TRO: variants seen among roughly 807,000 people sequenced by gnomAD.
TRO encodes MAGE superfamily protein.
TRO carries 29 observed loss-of-function variants against 42.3 expected under a neutral mutation model. The ratio of observed to expected loss-of-function variants is 0.68; its 90% CI spans 0.51 to 0.93. The LOEUF (loss-of-function observed/expected upper bound fraction) is 0.93. Ranked by LOEUF, TRO falls within the 40% of genes least tolerant of loss-of-function variation. The pLI, the probability that TRO is intolerant of heterozygous loss-of-function variation, is 0.00. For synonymous variants in TRO, 384 were observed against 425.2 expected, an observed-to-expected ratio of 0.90 and a Z score of 1.19; for missense variants, 963 against 1,127.7, an observed-to-expected ratio of 0.85 and a Z score of 2.09.
rs1441696931 is a variant in TRO, at chrX:54,923,526, G to A, written c.994G>A (p.Ala332Thr). 1 of 1,187,584 alleles carries A rather than the reference G, an allele frequency of 8.4e-7. No individual in the cohort carries two copies. The highest frequency in any genetic ancestry group is 3.1e-5 in the East Asian group (1 of 32,743). Residue 332 changes from alanine to threonine, a missense_variant, in exon 3 of 13, where the codon GCA becomes ACA. Ala to Thr is a moderately conservative substitution (Grantham distance 58, BLOSUM62 0). This residue lies in a region of TRO where 322 missense variants were observed against 316.5 expected (regional missense o/e 1.02). Coordinates refer to ENST00000173898, the MANE Select transcript of TRO (RefSeq NM_001039705.3). Reference sequence around the variant, plus strand: ...TCAGATAGTCACAAACCAAGCCCTGGCAGCCACCCTGCGGGTCAAGAGAGG... The same window carrying A: ...TCAGATAGTCACAAACCAAGCCCTGACAGCCACCCTGCGGGTCAAGAGAGG... Reference protein sequence around the residue: ...ATQIVTNQALAATLRVKRGSR... With the variant: ...ATQIVTNQALTATLRVKRGSR...
intron 10 of TRO, chrX:54,927,428 A>G (rs1932804333): frequency 6.5e-6 from 3 of 461,137 alleles, no homozygotes; most frequent in Non-Finnish European, 1.1e-5. Context: ...ATCATGCCCT[A>G]TACATGTCTC....
At position 54,929,065 on chromosome X, in the gene TRO, C is replaced by G. The variant is rs761198045; in HGVS notation, c.2341C>G (p.Leu781Val). Residue 781 changes from leucine (L) to valine (V), a missense_variant, in exon 12 of 13, where the codon CTG becomes GTG. Leu to Val is a conservative substitution (Grantham distance 32). This residue lies in a region of TRO where 641 missense variants were observed against 811.3 expected (regional missense o/e 0.79). Transcript: ENST00000173898. ...AGCCAGCATTAGCTTTGGTGGTACA[C>G]TGAGCACTAGCTCCAGCTTCAGCAG... ...NTASISFGGT[L>V]STSSSFSSAA... 3 of 1,212,484 alleles carry G rather than the reference C, an allele frequency of 2.5e-6. No individual in the cohort carries two copies. The South Asian group carries it at 5.3e-5, about 21-fold the overall frequency.
Position 54,931,423 on chromosome X carries a change from C to T in TRO, c.*231C>T, listed in dbSNP as rs1933178766. ...TGGTATCAGAGTTACATTAAATTTGCAAAATGAATTGGAGTTTTTTCTGTC... is the reference window on the plus strand; with the variant it reads ...TGGTATCAGAGTTACATTAAATTTGTAAAATGAATTGGAGTTTTTTCTGTC... On this transcript the variant is annotated 3_prime_UTR_variant, in exon 13 of 13. Transcript: ENST00000173898. The T allele has an allele frequency of 1.9e-6, 2 of 1,036,530 alleles. No homozygotes were observed. Among genetic ancestry groups the T allele is most frequent in the Non-Finnish European group, 2.7e-6 (2 of 749,204 alleles). 85.4% of individuals were successfully genotyped at this position (1,036,530 alleles called of 1,213,427 possible).
At chrX:54,927,378 A>C in intron 10 of TRO, 1 of 494,436 alleles carries the variant, frequency 2.0e-6, no homozygotes, top group Admixed American at 2.9e-5. Flanking sequence ...ATCTGGGCTT[A>C]CTCCTCACAG....
chrX:54,931,183 TC>T lies in TRO; in HGVS notation c.*12-19del. 8.3e-7 allele frequency: 1 copy of T among 1,209,826 alleles called. No individual in the cohort carries two copies. The highest frequency in any genetic ancestry group is 1.8e-5 in the South Asian group (1 of 56,765). ...CAGTGTATTTGGTGCTAAAATGTGT[TC>T]CTATTTGTTTTGTTTTCAGATTTAT... On this transcript the variant is annotated intron_variant, in intron 12 of 12. Coordinates refer to ENST00000173898, the MANE Select transcript of TRO (RefSeq NM_001039705.3).
At chrX:54,926,678 A>G (rs1477689912) in intron 9 of TRO, 53 bp downstream of exon 9, 45 of 1,206,011 alleles carry the variant, frequency 3.7e-5, no homozygotes, top group Non-Finnish European at 1.1e-6. Context: ...TTGGCAAGAG[A>G]GGATGGTCCT....
In TRO at chrX:54,923,858, C is replaced by T. The variant is rs1932435986; in HGVS notation, c.1236+90C>T. 5 of 938,488 alleles carry T rather than the reference C, an allele frequency of 5.3e-6. No homozygotes were observed. In the South Asian group the frequency reaches 1.3e-4, roughly 24 times the overall value. The allele number at this position is 938,488 out of a possible 1,213,427, so 77.3% of individuals were successfully genotyped here. On this transcript the variant is annotated intron_variant, in intron 3 of 12. Transcript: ENST00000173898. ...GTTCATTTCTTCTATAAAAGTTTTA[C>T]TTTGAGCTAGTCCCTGTGTTCAGAT...
Position 54,930,167 on chromosome X carries a change from G to A in TRO, c.3443G>A (p.Cys1148Tyr). The A allele has an allele frequency of 8.2e-7, 1 of 1,212,220 alleles. No individual in the cohort carries two copies. Residue 1148 changes from cysteine to tyrosine, a missense_variant, in exon 12 of 13, where the codon TGT (cysteine) becomes TAT (tyrosine). By Grantham distance (194) the Cys-to-Tyr change is radical. This residue lies in a region of TRO where 641 missense variants were observed against 811.3 expected (regional missense o/e 0.79). Coordinates refer to ENST00000173898, the MANE Select transcript of TRO (RefSeq NM_001039705.3). ...GGTGGTGCTCATGGCACCAGCCTCT[G>A]TTTTGGTGGAGCTCCCAGCACCAGC... Reference protein sequence around the residue: ...SFGGAHGTSLCFGGAPSTSLC... With the variant: ...SFGGAHGTSLYFGGAPSTSLC...
chrX:54,930,592 G>A lies in TRO; in HGVS notation c.3868G>A (p.Gly1290Ser). Residue 1290 changes from glycine (G) to serine (S), a missense_variant, in exon 12 of 13, where the codon GGT becomes AGT. Coordinates refer to ENST00000173898, the MANE Select transcript of TRO (RefSeq NM_001039705.3). ...GGGLVTSDGF[G>S]GGLGTNASFG... ...TGGACTGGTCACTAGTGATGGCTTT[G>A]GTGGTGGACTGGGCACCAATGCTAG... is the stretch of plus-strand genomic sequence containing the variant. 1 of 1,211,621 alleles carries A rather than the reference G, an allele frequency of 8.3e-7. No individual in the cohort carries two copies. Among genetic ancestry groups the A allele is most frequent in the African/African-American group, 1.7e-5 (1 of 57,861 alleles).
rs750605859 is a variant in TRO, at chrX:54,929,092, G to A, written c.2368G>A (p.Ala790Thr). ...GAGCACTAGCTCCAGCTTCAGCAGCGCAGCCAGCATTAGCTTTGGTTGTGC... is the reference window on the plus strand; with the variant it reads ...GAGCACTAGCTCCAGCTTCAGCAGCACAGCCAGCATTAGCTTTGGTTGTGC... ...TLSTSSSFSS[A>T]ASISFGCAHS... The change falls in exon 12 of 13, where the codon GCA becomes ACA. Residue 790 changes from alanine (A) to threonine (T), a missense_variant. Ala to Thr is a moderately conservative substitution (Grantham distance 58). Transcript: ENST00000173898. 1.9e-5 allele frequency: 23 copies of A among 1,211,353 alleles called. No homozygotes were observed. The highest frequency in any genetic ancestry group is 6.5e-5 in the Admixed American group (3 of 45,978).
intron 2 of TRO, 134 bp from the exon 3 acceptor site, chrX:54,922,444 C>T: frequency 7.8e-6 from 7 of 902,502 alleles, no homozygotes; most frequent in Non-Finnish European, 1.1e-5. Flanking sequence ...GGAAAACCTG[C>T]CTGACTCTAT....
In TRO at chrX:54,922,562, A is replaced by G. The variant is rs554362363; in HGVS notation, c.46-16A>G. On this transcript the variant is annotated splice_polypyrimidine_tract_variant and intron_variant, in intron 2 of 12. Transcript: ENST00000173898. ...GAGGCCAAATGGCCCAGAGGATGGT[A>G]ATCCTAAGTGTGTAGGGCCCTCTGC... is the stretch of plus-strand genomic sequence containing the variant. 1 of 1,185,275 alleles carries G rather than the reference A, an allele frequency of 8.4e-7. No homozygotes were observed. The highest frequency in any genetic ancestry group is 2.3e-5 in the Admixed American group (1 of 42,584).
chrX:54,922,539 G>C (rs1338729421), intron 2 of TRO, 39 bp from the exon 3 acceptor site: 1 of 1,152,392 alleles, frequency 8.7e-7, no homozygotes, highest in Non-Finnish European at 1.2e-6. Context: ...GCTTTAGCGA[G>C]GCCAAATGGC....
chrX:54,923,043 C>T lies in TRO; in HGVS notation c.511C>T (p.Gln171Ter). The stretch of plus-strand genomic sequence containing the variant: ...CACTATACAGCTGAAGTCACCCTTG[C>T]AGGTCCTAAAGCTACCAGTCATCTC... ...GGTIQLKSPL[Q>*]VLKLPVISQN... is the part of the protein sequence containing the mutation. The change falls in exon 3 of 13, where the codon CAG becomes TAG. Residue 171 changes from glutamine to a stop codon, truncating the protein, a stop_gained. Transcript: ENST00000173898. LOFTEE classifies it high-confidence loss of function. The T allele has an allele frequency of 2.5e-6, 3 of 1,212,142 alleles. No individual in the cohort carries two copies. Among genetic ancestry groups the T allele is most frequent in the Non-Finnish European group, 3.3e-6 (3 of 895,617 alleles).
At chrX:54,927,862 C>A in intron 11 of TRO, 81 bp downstream of exon 11, 2 of 802,702 alleles carry the variant, frequency 2.5e-6, no homozygotes, top group South Asian at 2.5e-5. Flanking sequence ...CAGGGATGGG[C>A]AGGTACAGAG....
rs772650773 is a variant in TRO, at chrX:54,922,595, G to A, written c.63G>A (p.Pro21=). The A allele has an allele frequency of 2.3e-5, 28 of 1,206,349 alleles. No homozygotes were observed. Among genetic ancestry groups the A allele is most frequent in the Non-Finnish European group, 3.1e-5 (28 of 893,442 alleles). Residue 21 remains proline (P), a synonymous_variant, in exon 3 of 13, where the codon CCG becomes CCA. Transcript: ENST00000173898. The part of the protein sequence containing the change: ...VPLFQGPLPP[P]GSLGLPFPPD... ...GTGTGTAGGGCCCTCTGCCTCCCCC[G>A]GGGAGCCTGGGGCTTCCCTTCCCTC...
chrX:54,929,149 G>A lies in TRO; in HGVS notation c.2425G>A (p.Ala809Thr). ...HSTSTSFSSE[A>T]SISFGGMPCT... ...CACCAGCACTAGTTTCAGCAGTGAA[G>A]CCAGCATTAGCTTTGGTGGCATGCC... Residue 809 changes from alanine (A) to threonine (T), a missense_variant, in exon 12 of 13, where the codon GCC (alanine) becomes ACC (threonine). Coordinates refer to ENST00000173898, the MANE Select transcript of TRO (RefSeq NM_001039705.3). 8.2e-7 allele frequency: 1 copy of A among 1,212,349 alleles called. No homozygotes were observed. The highest frequency in any genetic ancestry group is 2.2e-5 in the Admixed American group (1 of 46,146).
intron 11 of TRO, among the ~76,000 whole-genome samples, 195 bp from the exon 12 acceptor site, chrX:54,928,408 G>C (rs1932844982): frequency 8.9e-6 from 1 of 112,143 alleles, no homozygotes; most frequent in African/African-American, 3.2e-5. Flanking sequence ...GGCTAAGTGA[G>C]GTTAAGTAAC....
intron 8 of TRO, 43 bp from the exon 9 acceptor site, chrX:54,926,540 G>A (rs1029288560): frequency 8.3e-7 from 1 of 1,206,045 alleles, no homozygotes. Context: ...TGGATTCCAT[G>A]TGTTCAATTT....
Sources: gnomAD v4.1 joint callset for allele counts (sites outside exome capture counted in the v4.1 genomes callset) on GRCh38, gnomAD v4.1.1 for gene constraint, gnomAD v4.1.1 regional missense constraint, MANE v1.5 for transcripts, NCBI Gene and HGNC (gene_info 2026-07-23, HGNC 2026-07-21) for gene names.